Variants in DIP2C observed in about 807,000 individuals in gnomAD.
The protein encoded by DIP2C is DIP2 acetate--CoA ligase C (putative), also known as disco-interacting protein 2 homolog C.
In DIP2C, 33 loss-of-function variants were observed where a neutral mutation model predicts 192.4. The observed-to-expected ratio is 0.17, with a 90% CI of 0.13 to 0.23. The LOEUF is 0.23. DIP2C is among the 10% of genes least tolerant of loss of function. DIP2C has a pLI of 1.00. For missense variants in DIP2C, 1,537 were observed against 2,110.1 expected (o/e 0.73, Z 5.32); for synonymous variants, 979 against 864.1 (o/e 1.13, Z -2.33).
chr10:334,548 A>C (rs1957664084), intron 29 of DIP2C, among the ~76,000 whole-genome samples: 1 of 152,136 alleles, frequency 6.6e-6, no homozygotes, highest in Admixed American at 6.5e-5. Flanking sequence ...GTTTTCTAAA[A>C]TTTTTATAAT....
At chr10:612,882 C>T (rs867962157) in intron 1 of DIP2C, among the ~76,000 whole-genome samples, 1 of 152,190 alleles carries the variant, frequency 6.6e-6, no homozygotes, top group Non-Finnish European at 1.5e-5. Context: ...AGCTTGGTTA[C>T]GGAAAGCACT....
At chr10:403,643 G>C in intron 9 of DIP2C, among the ~76,000 whole-genome samples, 1 of 130,220 alleles carries the variant, frequency 7.7e-6, no homozygotes, top group Non-Finnish European at 1.6e-5. Flanking sequence ...CTTCCTTATG[G>C]ACAAGTTTGG....
At chr10:388,177 G>A (rs891088962) in intron 13 of DIP2C, among the ~76,000 whole-genome samples, 34 of 152,126 alleles carry the variant, frequency 2.2e-4, no homozygotes, top group African/African-American at 7.2e-4. Flanking sequence ...TGCCCTCTGC[G>A]CACAGAGGAG....
intron 1 of DIP2C, among the ~76,000 whole-genome samples, chr10:551,972 T>C (rs1241764284): frequency 6.6e-6 from 1 of 152,244 alleles, no homozygotes; most frequent in Admixed American, 6.5e-5. Flanking sequence ...TGTTGTGATC[T>C]GAGAACAGCC....
intron 29 of DIP2C, among the ~76,000 whole-genome samples, chr10:340,153 C>G (rs1482974895): frequency 3.3e-5 from 5 of 151,528 alleles, no homozygotes; most frequent in Non-Finnish European, 7.4e-5. Context: ...TGCACTTCAG[C>G]CTGGGTGACA....
chr10:283,117 G>A (rs941430319), intron 35 of DIP2C, among the ~76,000 whole-genome samples, 155 bp downstream of exon 35: 1 of 152,188 alleles, frequency 6.6e-6, no homozygotes, highest in Non-Finnish European at 1.5e-5. Flanking sequence ...CTTTCCTCTT[G>A]CTCTTAAACT....
At position 399,625 on chromosome 10, in the gene DIP2C, C is replaced by G. The variant is rs577288390; in HGVS notation, c.1150-406G>C. Among the ~76,000 whole-genome samples the G allele has an allele frequency of 7.2e-5, 11 of 152,344 alleles. No homozygotes were observed. The South Asian group carries it at 1.7e-3, about 23-fold the overall frequency. On this transcript the variant is annotated intron_variant, in intron 9 of 36. Transcript: ENST00000280886. ...TCAGATCCCATGGCAGTGTTTGGCTCTGGGATCTCAGGCACAATTGTGGCC... is the reference window on the plus strand; with the variant it reads ...TCAGATCCCATGGCAGTGTTTGGCTGTGGGATCTCAGGCACAATTGTGGCC...
intron 5 of DIP2C, among the ~76,000 whole-genome samples, chr10:420,330 G>A (rs776625656): frequency 2.6e-5 from 4 of 152,232 alleles, no homozygotes; most frequent in Non-Finnish European, 5.9e-5. Flanking sequence ...TGGACACGGC[G>A]TCGGCCCCTC....
chr10:592,175 A>C lies in DIP2C; in HGVS notation c.85+97319T>G, dbSNP rs988583264. Among the ~76,000 whole-genome samples, 6 of 151,480 alleles carry C rather than the reference A, an allele frequency of 4.0e-5. No individual in the cohort carries two copies. In the East Asian group the frequency reaches 5.8e-4, roughly 15 times the overall value. On this transcript the variant is annotated intron_variant, in intron 1 of 36. Transcript: ENST00000280886. The stretch of plus-strand genomic sequence containing the variant: ...TGCTAATTAGGAAGCATATTAATAT[A>C]AAGTGAATTCCAAGTGTAATAATCG...
chr10:414,906 A>ATT (rs66514106), intron 7 of DIP2C, among the ~76,000 whole-genome samples: 1 of 83,170 alleles, frequency 1.2e-5, no homozygotes, highest in African/African-American at 4.4e-5. Flanking sequence ...ATATATATAT[A>ATT]TTTTTTTTTT....
intron 1 of DIP2C, among the ~76,000 whole-genome samples, chr10:492,943 G>T (rs1233973876): frequency 1.3e-5 from 2 of 152,226 alleles, no homozygotes; most frequent in Non-Finnish European, 2.9e-5. Flanking sequence ...AGAGAATAAT[G>T]TAGTATTAAC....
chr10:688,799 C>G (rs1588775470), intron 1 of DIP2C, among the ~76,000 whole-genome samples: 1 of 152,242 alleles, frequency 6.6e-6, no homozygotes, highest in East Asian at 1.9e-4. Flanking sequence ...AACCCTCCTA[C>G]GAGAGGACCA....
chr10:442,017 C>A (rs1967779761), intron 3 of DIP2C, among the ~76,000 whole-genome samples: 1 of 150,450 alleles, frequency 6.6e-6, no homozygotes, highest in Non-Finnish European at 1.5e-5. Context: ...AGAACCCTCT[C>A]AACACAAAAT....
chr10:359,607 G>T (rs886116031), intron 22 of DIP2C, among the ~76,000 whole-genome samples: 18 of 152,182 alleles, frequency 1.2e-4, no homozygotes, highest in Non-Finnish European at 2.4e-4. Flanking sequence ...TTTAGCAAAA[G>T]AATTTGTCAG....
chr10:457,784 G>A (rs1969421126), intron 3 of DIP2C, among the ~76,000 whole-genome samples: 1 of 152,150 alleles, frequency 6.6e-6, no homozygotes. Flanking sequence ...TCGAACTCCT[G>A]TCTTCAAGCT....
At chr10:678,652 C>CCA in intron 1 of DIP2C, among the ~76,000 whole-genome samples, 2 of 32,860 alleles carry the variant, frequency 6.1e-5, no homozygotes. Flanking sequence ...CTCCCCGCAC[C>CCA]TGTCCTCCCT....
intron 1 of DIP2C, among the ~76,000 whole-genome samples, chr10:506,765 C>T (rs1185117730): frequency 6.6e-6 from 1 of 152,230 alleles, no homozygotes; most frequent in Non-Finnish European, 1.5e-5. Context: ...AGGGGCTTAG[C>T]GAGCCACGCA....
intron 1 of DIP2C, among the ~76,000 whole-genome samples, chr10:600,883 G>C (rs1271205620): frequency 1.3e-5 from 2 of 149,502 alleles, no homozygotes; most frequent in Non-Finnish European, 2.9e-5. Flanking sequence ...CTGTAACAAA[G>C]TTGGATAATT....
intron 1 of DIP2C, among the ~76,000 whole-genome samples, chr10:599,993 G>T (rs1851951684): frequency 6.6e-6 from 1 of 152,150 alleles, no homozygotes; most frequent in Non-Finnish European, 1.5e-5. Flanking sequence ...CCTTAGCAGG[G>T]CAGGCAGTGC....
Sources: allele counts gnomAD v4.1 joint callset (sites outside exome capture counted in the v4.1 genomes callset), GRCh38; gene constraint gnomAD v4.1.1; transcripts MANE v1.5; gene names NCBI Gene and HGNC (gene_info 2026-07-23, HGNC 2026-07-21).